WDR59: variants seen among roughly 807,000 people sequenced by gnomAD.
WDR59 encodes GATOR2 complex protein WDR59.
A neutral mutation model predicts 131.2 loss-of-function variants in WDR59; 100 were observed. That is an observed-to-expected ratio of 0.76 (90% CI 0.65 to 0.90). The LOEUF is 0.90. WDR59 is among the 40% of genes least tolerant of loss of function. The pLI, the probability that WDR59 is intolerant of heterozygous loss-of-function variation, is 0.00. For missense variants in WDR59, 1,203 were observed against 1,262.2 expected (o/e 0.95, Z 0.71); for synonymous variants, 601 against 466.2 (o/e 1.29, Z -3.72).
rs1013187927 is a variant in WDR59 at position 74,908,885 on chromosome 16, G to T, written c.1712+23C>A. 6.2e-6 allele frequency: 10 copies of T among 1,611,046 alleles called. No homozygotes were observed. The African/African-American group carries it at 6.7e-5, about 11-fold the overall frequency. On this transcript the variant is annotated intron_variant, in intron 17 of 25. Transcript: ENST00000262144. ...CTTCTGGCCCCGGGAACGTAGAGCG[G>T]CTTCTGCATCTCCCTGACTCACCTC...
rs149907879 is a variant in WDR59 at position 74,963,810 on chromosome 16, T to C, written c.104+1963A>G. On this transcript the variant is annotated intron_variant, in intron 2 of 25. Coordinates refer to ENST00000262144, the MANE Select transcript of WDR59 (RefSeq NM_030581.4). The stretch of plus-strand genomic sequence containing the variant: ...AGAGGCCAAGGCAGAGGCAGATGGA[T>C]TGCTTGAGTCTGGGATGTCAAGGCT... 9.9e-4 allele frequency among the ~76,000 whole-genome samples: 150 copies of C among 151,984 alleles called. 3 individuals carry two copies. The highest frequency in any genetic ancestry group is 3.4e-3 in the African/African-American group (141 of 41,438).
At chr16:74,900,608 C>T (rs1965506641) in intron 18 of WDR59, among the ~76,000 whole-genome samples, 1 of 152,318 alleles carries the variant, frequency 6.6e-6, no homozygotes, top group Admixed American at 6.5e-5. Flanking sequence ...TATTAAGAGT[C>T]GGTTCACTTG....
chr16:74,954,911 T>C (rs1440532663), intron 3 of WDR59, among the ~76,000 whole-genome samples: 1 of 152,132 alleles, frequency 6.6e-6, no homozygotes, highest in African/African-American at 2.4e-5. Flanking sequence ...CCAGAATAGA[T>C]CAATCCATTG....
rs1489564155 is a variant in WDR59, at chr16:74,908,987, G to C, written c.1643-10C>G. The C allele has an allele frequency of 3.1e-6, 5 of 1,612,724 alleles. No individual in the cohort carries two copies. Among genetic ancestry groups the C allele is most frequent in the Non-Finnish European group, 4.2e-6 (5 of 1,179,508 alleles). ...AAATATACCAGGTAACCTAAAGGAGGAGACATCACATGAGCCATCAGTGTC... is the reference window on the plus strand; with the variant it reads ...AAATATACCAGGTAACCTAAAGGAGCAGACATCACATGAGCCATCAGTGTC... On this transcript the variant is annotated splice_polypyrimidine_tract_variant and intron_variant, in intron 16 of 25. Transcript: ENST00000262144.
intron 1 of WDR59, among the ~76,000 whole-genome samples, chr16:74,968,281 G>A (rs1360576510): frequency 2.0e-5 from 3 of 152,192 alleles, no homozygotes; most frequent in Admixed American, 6.5e-5. Flanking sequence ...GAGATTAAAA[G>A]GGTGAGAGAT....
intron 8 of WDR59, chr16:74,930,768 C>T (rs1048334142): frequency 4.0e-5 from 6 of 151,536 alleles, no homozygotes; most frequent in African/African-American, 1.5e-4. Context: ...TGGCACATAC[C>T]TGTTATCCCA....
chr16:74,928,754 C>A (rs193061938), intron 8 of WDR59, among the ~76,000 whole-genome samples: 1 of 151,932 alleles, frequency 6.6e-6, no homozygotes, highest in East Asian at 2.0e-4. Flanking sequence ...AAAGAAAATA[C>A]AAAAATAATC....
intron 7 of WDR59, among the ~76,000 whole-genome samples, chr16:74,939,427 T>C (rs1020189364): frequency 1.3e-5 from 2 of 151,982 alleles, no homozygotes; most frequent in African/African-American, 4.8e-5. Flanking sequence ...TGATACAATA[T>C]GATGTAGCCA....
At chr16:74,913,303 C>G (rs1966199285) in intron 13 of WDR59, among the ~76,000 whole-genome samples, 1 of 149,810 alleles carries the variant, frequency 6.7e-6, no homozygotes. Flanking sequence ...CTCACTTTGT[C>G]ACCCAGGCTG....
At chr16:74,915,129 A>G (rs546788221) in intron 13 of WDR59, among the ~76,000 whole-genome samples, 59 of 152,328 alleles carry the variant, frequency 3.9e-4, no homozygotes, top group Non-Finnish European at 5.7e-4. Flanking sequence ...CCTGTGAGAG[A>G]AGATGGCACA....
chr16:74,936,743 T>C (rs2031831161), intron 8 of WDR59, among the ~76,000 whole-genome samples: 1 of 151,988 alleles, frequency 6.6e-6, no homozygotes, highest in Non-Finnish European at 1.5e-5. Context: ...GGAGAATCGC[T>C]TGAACCCAGG....
chr16:74,960,211 A>G (rs906618931), intron 2 of WDR59, among the ~76,000 whole-genome samples: 6 of 152,008 alleles, frequency 3.9e-5, no homozygotes, highest in Admixed American at 3.9e-4. Flanking sequence ...TGAGCCTGTA[A>G]TCCCAGTTAC....
intron 8 of WDR59, among the ~76,000 whole-genome samples, chr16:74,937,094 G>A (rs940977959): frequency 1.3e-5 from 2 of 152,122 alleles, no homozygotes; most frequent in Non-Finnish European, 2.9e-5. Flanking sequence ...TCAAACCCCT[G>A]TCCTCAGAGA....
intron 20 of WDR59, among the ~76,000 whole-genome samples, chr16:74,892,111 T>G (rs1226565649): frequency 6.6e-6 from 1 of 152,196 alleles, no homozygotes; most frequent in Non-Finnish European, 1.5e-5. Context: ...ATTTTAAAAC[T>G]GAACATCTCT....
chr16:74,983,442 C>T (rs1004501372), intron 1 of WDR59, among the ~76,000 whole-genome samples: 3 of 152,004 alleles, frequency 2.0e-5, no homozygotes, highest in African/African-American at 7.3e-5. Flanking sequence ...CACTACACTA[C>T]AGTCTGGGTC....
At chr16:74,888,094 G>T (rs992954546) in intron 22 of WDR59, 75 bp downstream of exon 22, 6 of 1,483,372 alleles carry the variant, frequency 4.0e-6, no homozygotes, top group Non-Finnish European at 4.5e-6. Context: ...CTCCAGCCTG[G>T]GCAACAAAGT....
intron 17 of WDR59, among the ~76,000 whole-genome samples, chr16:74,908,079 T>C (rs1188932547): frequency 6.6e-6 from 1 of 152,156 alleles, no homozygotes; most frequent in African/African-American, 2.4e-5. Context: ...AACATGATTC[T>C]CTCTAAAACA....
intron 25 of WDR59, among the ~76,000 whole-genome samples, chr16:74,882,802 T>C (rs1964554352): frequency 2.0e-5 from 1 of 48,868 alleles, no homozygotes; most frequent in Non-Finnish European, 3.6e-5. Flanking sequence ...AGAGCAACAC[T>C]GTCTCAAAAA....
intron 11 of WDR59, among the ~76,000 whole-genome samples, chr16:74,917,717 G>T (rs992274769): frequency 6.7e-6 from 1 of 149,858 alleles, no homozygotes; most frequent in Non-Finnish European, 1.5e-5. Context: ...GCTGACGCAG[G>T]AGAATCGCTT....
Sources: gnomAD v4.1 joint callset for allele counts (sites outside exome capture counted in the v4.1 genomes callset) on GRCh38, gnomAD v4.1.1 for gene constraint, MANE v1.5 for transcripts, NCBI Gene and HGNC (gene_info 2026-07-23, HGNC 2026-07-21) for gene names.